The following SSR3 variants were observed in gnomAD, a reference collection of about 807,000 sequenced individuals.
SSR3 encodes the protein signal sequence receptor subunit 3, also known as translocon-associated protein subunit gamma.
In SSR3, 10 loss-of-function variants were observed where a neutral mutation model predicts 22.1. That is an observed-to-expected ratio of 0.45 (90% CI 0.28 to 0.77). SSR3 has a LOEUF of 0.77. SSR3 is among the 30% of genes least tolerant of loss of function. SSR3 has a pLI of 0.13. For missense variants in SSR3, 181 were observed against 220.5 expected (o/e 0.82, Z 1.13); for synonymous variants, 104 against 82.5 (o/e 1.26, Z -1.42).
rs1416524266 is a variant in SSR3 at position 156,542,113 on chromosome 3, TC to T, written c.*1089del. 1 of 152,172 alleles carries T rather than the reference TC, an allele frequency of 6.6e-6. No individual in the cohort carries two copies. The highest frequency in any genetic ancestry group is 2.4e-5 in the African/African-American group (1 of 41,430). 9.4% of individuals were successfully genotyped at this position (152,172 alleles called of 1,614,324 possible). A position where few individuals can be genotyped will look rare whatever the true frequency, so the allele number is the denominator to read the frequency against. ...TTTTAGCTGATATTGCTAAAGAGCT[TC>T]CCAAACTTTTTCAAGTCATGGCATA... On this transcript the variant is annotated 3_prime_UTR_variant, in exon 5 of 5. Transcript: ENST00000265044.
rs374257142 is a variant in SSR3 at position 156,555,105 on chromosome 3, G to A, written c.-16C>T. ...TAGGAGCCATGGCGGAGCTGCAGGC[G>A]AGAACAGGGAACGTAGAGCCGGCCG... On this transcript the variant is annotated 5_prime_UTR_variant, in exon 1 of 5. Coordinates refer to ENST00000265044, the MANE Select transcript of SSR3 (RefSeq NM_007107.5). 5.0e-6 allele frequency: 8 copies of A among 1,611,822 alleles called. No homozygotes were observed. Among genetic ancestry groups the A allele is most frequent in the East Asian group, 2.2e-5 (1 of 44,870 alleles).
At chr3:156,545,785 T>G (rs1429072222) in intron 3 of SSR3, among the ~76,000 whole-genome samples, 2 of 152,198 alleles carry the variant, frequency 1.3e-5, no homozygotes, top group Admixed American at 1.3e-4. Context: ...CATAGAAGTT[T>G]AAATGTAAAT....
chr3:156,546,838 C>A (rs1181694933), intron 3 of SSR3, among the ~76,000 whole-genome samples: 2 of 152,216 alleles, frequency 1.3e-5, no homozygotes, highest in Non-Finnish European at 2.9e-5. Context: ...CTCACATTCT[C>A]CTCTGCTTAT....
At chr3:156,549,423 C>T (rs964209399) in intron 2 of SSR3, among the ~76,000 whole-genome samples, 3 of 152,076 alleles carry the variant, frequency 2.0e-5, no homozygotes, top group South Asian at 2.1e-4. Flanking sequence ...ATAACAGGAG[C>T]GAAAACTAGG....
At chr3:156,547,971 A>G (rs972574100) in intron 3 of SSR3, among the ~76,000 whole-genome samples, 29 of 152,234 alleles carry the variant, frequency 1.9e-4, no homozygotes, top group African/African-American at 6.8e-4. Context: ...TGGTCCTTTA[A>G]AAGTGTGTTA....
intron 3 of SSR3, among the ~76,000 whole-genome samples, chr3:156,545,712 G>C (rs767646501): frequency 6.6e-6 from 1 of 150,978 alleles, no homozygotes; most frequent in Non-Finnish European, 1.5e-5. Flanking sequence ...TCCATTTACT[G>C]TAAGTTTGGA....
intron 3 of SSR3, among the ~76,000 whole-genome samples, chr3:156,544,703 A>G (rs1719698713): frequency 6.6e-6 from 1 of 152,190 alleles, no homozygotes; most frequent in African/African-American, 2.4e-5. Context: ...GAAAGGACTC[A>G]TTAATGGCAA....
rs1203607767 is a variant in SSR3 at position 156,541,587 on chromosome 3, T to A, written c.*1616A>T. ...CACCATCACGCCTGGCTAATTTTGG[T>A]ATTTTTAGTAGAGACGGGGTTTCAC... is the stretch of plus-strand genomic sequence containing the variant. On this transcript the variant is annotated 3_prime_UTR_variant, in exon 5 of 5. Transcript: ENST00000265044. 1 of 152,158 alleles carries A rather than the reference T, an allele frequency of 6.6e-6. No individual in the cohort carries two copies. The highest frequency in any genetic ancestry group is 1.5e-5 in the Non-Finnish European group (1 of 68,044). The allele number at this position is 152,158 out of a possible 1,614,324, so 9.4% of individuals were successfully genotyped here.
At chr3:156,553,527 C>G in intron 2 of SSR3, 128 bp downstream of exon 2, 1 of 954,528 alleles carries the variant, frequency 1.0e-6, no homozygotes, top group Non-Finnish European at 1.5e-6. Context: ...TTCCTTTCCC[C>G]CAAAATGTTT....
chr3:156,553,727 C>A lies in SSR3; in HGVS notation c.188G>T (p.Ser63Ile). ...ATATGTGCTTACTAGGGTCATCACA[C>A]TATACAAAACAGCAGACTGAATAAG... is the stretch of plus-strand genomic sequence containing the variant. ...MDLIQSAVLY[S>I]VMTLVSTYLV... Residue 63 changes from serine (S) to isoleucine (I), a missense_variant, in exon 2 of 5, where the codon AGT (serine) becomes ATT (isoleucine). By Grantham distance (142) the Ser-to-Ile change is moderately radical. Coordinates refer to ENST00000265044, the MANE Select transcript of SSR3 (RefSeq NM_007107.5). The A allele has an allele frequency of 6.2e-7, 1 of 1,612,960 alleles. No homozygotes were observed. The highest frequency in any genetic ancestry group is 8.5e-7 in the Non-Finnish European group (1 of 1,179,756).
chr3:156,550,451 AG>A (rs2108449209), intron 2 of SSR3, among the ~76,000 whole-genome samples: 1 of 152,340 alleles, frequency 6.6e-6, no homozygotes, highest in East Asian at 1.9e-4. Context: ...CTCACCTACC[AG>A]GGGCATAACA....
At chr3:156,554,832 G>A in intron 1 of SSR3, 125 bp downstream of exon 1, 3 of 1,296,344 alleles carry the variant, frequency 2.3e-6, no homozygotes, top group Admixed American at 4.3e-5. Context: ...GAGCTCAGGG[G>A]AGCTGGAGAG....
chr3:156,554,091 G>A, intron 1 of SSR3: 1 of 211,182 alleles, frequency 4.7e-6, no homozygotes. Flanking sequence ...CATTCATCAG[G>A]GTACTAGCAT....
chr3:156,552,390 T>C lies in SSR3; in HGVS notation c.260+1265A>G, dbSNP rs556107243. ...CATAAGGAGAAATACATACTCTTCA[T>C]TGGATAAAACAAGGAAAATACCTGC... is the stretch of plus-strand genomic sequence containing the variant. On this transcript the variant is annotated intron_variant, in intron 2 of 4. Transcript: ENST00000265044. Among the ~76,000 whole-genome samples the C allele has an allele frequency of 8.1e-4, 123 of 152,030 alleles. 1 individual carries two copies. The highest frequency in any genetic ancestry group is 2.8e-3 in the African/African-American group (118 of 41,432).
chr3:156,551,206 G>A (rs1227333957), intron 2 of SSR3, among the ~76,000 whole-genome samples: 1 of 152,106 alleles, frequency 6.6e-6, no homozygotes, highest in Non-Finnish European at 1.5e-5. Flanking sequence ...TGAACTAAAT[G>A]TACCATTAAC....
At chr3:156,554,912 G>T in intron 1 of SSR3, 45 bp downstream of exon 1, 4 of 1,589,990 alleles carry the variant, frequency 2.5e-6, no homozygotes, top group Non-Finnish European at 3.4e-6. Flanking sequence ...CGCCCAGCCC[G>T]ACTAGCCGGC....
chr3:156,553,934 G>C, intron 1 of SSR3, 153 bp from the exon 2 acceptor site: 1 of 659,152 alleles, frequency 1.5e-6, no homozygotes, highest in Non-Finnish European at 2.4e-6. Flanking sequence ...TCAGAAGCGA[G>C]ATAACCAGTA....
chr3:156,543,164 A>C lies in SSR3; in HGVS notation c.*39T>G, dbSNP rs1246121758. 4 of 1,592,296 alleles carry C rather than the reference A, an allele frequency of 2.5e-6. No individual in the cohort carries two copies. Among genetic ancestry groups the C allele is most frequent in the Admixed American group, 1.7e-5 (1 of 59,278 alleles). On this transcript the variant is annotated 3_prime_UTR_variant, in exon 5 of 5. Transcript: ENST00000265044. ...GCTACTTTTCCATATACCACAGGCC[A>C]CCCATAGACACAAAGCCAGGGGGTG...
chr3:156,552,146 C>T (rs1559945842), intron 2 of SSR3, among the ~76,000 whole-genome samples: 1 of 151,804 alleles, frequency 6.6e-6, no homozygotes, highest in African/African-American at 2.4e-5. Flanking sequence ...ACAAAATATA[C>T]AAAAATTAGC....
Sources: allele counts gnomAD v4.1 joint callset (sites outside exome capture counted in the v4.1 genomes callset), GRCh38; gene constraint gnomAD v4.1.1; transcripts MANE v1.5; gene names NCBI Gene and HGNC (gene_info 2026-07-23, HGNC 2026-07-21).